CBFA2T2: variants seen among roughly 807,000 people sequenced by gnomAD.
CBFA2T2 encodes the protein protein CBFA2T2.
Under a neutral mutation model 62.2 loss-of-function variants are expected in CBFA2T2, and 11 were observed. The ratio of observed to expected loss-of-function variants is 0.18; its 90% CI spans 0.11 to 0.29. The LOEUF is 0.29. CBFA2T2 is among the 10% of genes least tolerant of loss of function. The pLI is 1.00. For missense variants in CBFA2T2, 592 were observed against 774.1 expected (o/e 0.76, Z 2.79); for synonymous variants, 295 against 287.5 (o/e 1.03, Z -0.27).
chr20:33,619,040 C>G (rs1237175659), intron 3 of CBFA2T2, among the ~76,000 whole-genome samples: 8 of 152,154 alleles, frequency 5.3e-5, no homozygotes, highest in Admixed American at 4.6e-4. Flanking sequence ...CGTCTGAGTT[C>G]CTGATGATGT....
intron 1 of CBFA2T2, among the ~76,000 whole-genome samples, chr20:33,542,749 G>A (rs1203053607): frequency 6.6e-6 from 1 of 152,024 alleles, no homozygotes; most frequent in East Asian, 1.9e-4. Flanking sequence ...TTGACTCATT[G>A]CAACCTCCTC....
At chr20:33,591,491 AAAT>A (rs2014633619) in intron 1 of CBFA2T2, among the ~76,000 whole-genome samples, 1 of 151,736 alleles carries the variant, frequency 6.6e-6, no homozygotes, top group African/African-American at 2.4e-5. Flanking sequence ...AAAAAGAAAA[AAAT>A]GATGAATAAA....
At chr20:33,575,373 A>G (rs2013773499) in intron 1 of CBFA2T2, among the ~76,000 whole-genome samples, 1 of 152,136 alleles carries the variant, frequency 6.6e-6, no homozygotes, top group South Asian at 2.1e-4. Flanking sequence ...ATGCTTCCCA[A>G]CCTCTTTTCA....
At chr20:33,642,497 T>G (rs1285356589) in intron 10 of CBFA2T2, among the ~76,000 whole-genome samples, 2 of 151,960 alleles carry the variant, frequency 1.3e-5, no homozygotes, top group Non-Finnish European at 2.9e-5. Flanking sequence ...GTCCAGGTAC[T>G]TTGGAGGCTG....
At chr20:33,614,430 A>G (rs193197490) in intron 3 of CBFA2T2, among the ~76,000 whole-genome samples, 26 of 152,278 alleles carry the variant, frequency 1.7e-4, no homozygotes, top group Middle Eastern at 6.8e-3. Context: ...GAAATTTACT[A>G]TATTAACTAT....
At chr20:33,570,766 C>CTAA (rs1429491376) in intron 1 of CBFA2T2, among the ~76,000 whole-genome samples, 2 of 152,156 alleles carry the variant, frequency 1.3e-5, no homozygotes, top group Non-Finnish European at 2.9e-5. Context: ...AGTTTGCAGT[C>CTAA]TAATGTGAGA....
At chr20:33,623,353 T>C in intron 5 of CBFA2T2, 57 bp downstream of exon 5, 1 of 1,583,430 alleles carries the variant, frequency 6.3e-7, no homozygotes. Context: ...GTCCTCCCCT[T>C]TGCTTATAAA....
intron 1 of CBFA2T2, chr20:33,573,975 G>T: frequency 2.2e-6 from 1 of 460,260 alleles, no homozygotes; most frequent in Non-Finnish European, 3.6e-6. Flanking sequence ...TTTTTGTAGA[G>T]GTGGGGTTTT....
At chr20:33,608,538 G>A (rs2015415335) in intron 2 of CBFA2T2, among the ~76,000 whole-genome samples, 1 of 152,208 alleles carries the variant, frequency 6.6e-6, no homozygotes, top group Non-Finnish European at 1.5e-5. Context: ...TTGAGCCAGA[G>A]TGAATGAAAA....
chr20:33,517,095 CCT>C (rs1050638941), intron 1 of CBFA2T2, among the ~76,000 whole-genome samples: 1 of 152,152 alleles, frequency 6.6e-6, no homozygotes, highest in African/African-American at 2.4e-5. Context: ...CATCCTTTTC[CCT>C]TTCTCAGAAA....
intron 10 of CBFA2T2, 127 bp downstream of exon 10, chr20:33,640,658 T>C: frequency 1.3e-6 from 1 of 785,306 alleles, no homozygotes; most frequent in Non-Finnish European, 2.0e-6. Context: ...ATAATTTTTA[T>C]CCAGTGCCAG....
chr20:33,628,301 T>C, intron 6 of CBFA2T2, 49 bp from the exon 7 acceptor site: 1 of 1,272,116 alleles, frequency 7.9e-7, no homozygotes, highest in African/African-American at 1.5e-5. Flanking sequence ...AATTTGCTTC[T>C]ATTGTGTTTT....
At chr20:33,574,285 A>G (rs757987586) in intron 1 of CBFA2T2, 1 of 1,606,010 alleles carries the variant, frequency 6.2e-7, no homozygotes, top group Admixed American at 1.7e-5. Flanking sequence ...ATTCATTTCT[A>G]ATAGAGGACT....
Position 33,645,306 on chromosome 20 carries a change from A to T in CBFA2T2, c.*660A>T, listed in dbSNP as rs997892944. On this transcript the variant is annotated 3_prime_UTR_variant, in exon 11 of 11. Coordinates refer to ENST00000342704, the MANE Select transcript of CBFA2T2 (RefSeq NM_001032999.3). ...CCCCACATCACAGATGATTTTGGAC[A>T]AGATTTTCCAACCTTGCTGGCTACT... The T allele has an allele frequency of 6.6e-6, 1 of 152,238 alleles. No homozygotes were observed. The highest frequency in any genetic ancestry group is 6.5e-5 in the Admixed American group (1 of 15,282). 9.4% of individuals were successfully genotyped at this position (152,238 alleles called of 1,614,324 possible).
chr20:33,642,888 T>C (rs775878211), intron 10 of CBFA2T2, among the ~76,000 whole-genome samples: 1 of 152,210 alleles, frequency 6.6e-6, no homozygotes, highest in African/African-American at 2.4e-5. Flanking sequence ...ATTTTGAGCA[T>C]TGTGCTTTTA....
chr20:33,528,214 C>A (rs1356971862), intron 1 of CBFA2T2, among the ~76,000 whole-genome samples: 1 of 152,138 alleles, frequency 6.6e-6, no homozygotes, highest in Admixed American at 6.5e-5. Context: ...TCTCTCAGAT[C>A]TGGAGACTGT....
intron 4 of CBFA2T2, 55 bp downstream of exon 4, chr20:33,619,661 T>C: frequency 1.6e-6 from 2 of 1,262,968 alleles, no homozygotes; most frequent in Non-Finnish European, 2.3e-6. Flanking sequence ...CAAATTCTGC[T>C]AATCCCTGTT....
At chr20:33,579,120 T>TG (rs2013985301) in intron 1 of CBFA2T2, among the ~76,000 whole-genome samples, 1 of 151,160 alleles carries the variant, frequency 6.6e-6, no homozygotes, top group Non-Finnish European at 1.5e-5. Context: ...TTTTTGTTTT[T>TG]TTTTTTTTTT....
At chr20:33,547,791 G>GCACTCC (rs1257034828) in intron 1 of CBFA2T2, among the ~76,000 whole-genome samples, 1 of 150,342 alleles carries the variant, frequency 6.7e-6, no homozygotes, top group Non-Finnish European at 1.5e-5. Context: ...ATCTGTATAG[G>GCACTCC]CACTCCCAGT....
Sources: allele counts gnomAD v4.1 joint callset (sites outside exome capture counted in the v4.1 genomes callset), GRCh38; gene constraint gnomAD v4.1.1; transcripts MANE v1.5; gene names NCBI Gene and HGNC (gene_info 2026-07-23, HGNC 2026-07-21).